Variants in DEAF1 observed in about 807,000 individuals in gnomAD.
DEAF1 encodes DEAF1 transcription factor.
A neutral mutation model predicts 58.9 loss-of-function variants in DEAF1; 53 were observed. The observed-to-expected ratio is 0.90, with a 90% CI of 0.72 to 1.13. The LOEUF is 1.13. Ranked by LOEUF, DEAF1 falls within the 50% of genes most tolerant of loss-of-function variation. The pLI is 0.00. For synonymous variants in DEAF1, 385 were observed against 340.4 expected, an observed-to-expected ratio of 1.13 and a Z score of -1.44; for missense variants, 685 against 791.4, an observed-to-expected ratio of 0.87 and a Z score of 1.61.
At position 658,197 on chromosome 11, in the gene DEAF1, G is replaced by A. The variant is rs566697483; in HGVS notation, c.1504-4146C>T. 2.0e-4 allele frequency among the ~76,000 whole-genome samples: 30 copies of A among 152,318 alleles called. No individual in the cohort carries two copies. The South Asian group carries it at 5.6e-3, about 28-fold the overall frequency. ...TAATCCCAGCACTTTGGGAGGCTGA[G>A]GCAGGCGGATCACGAGGTCAGGAGA... is the stretch of plus-strand genomic sequence containing the variant. On this transcript the variant is annotated intron_variant, in intron 10 of 11. Transcript: ENST00000382409.
chr11:680,137 C>T (rs1296003824), intron 7 of DEAF1: 5 of 374,890 alleles, frequency 1.3e-5, no homozygotes, highest in Non-Finnish European at 2.0e-5. Context: ...CTTCGTGGTT[C>T]GAATTAAGAA....
In DEAF1 at chr11:644,476, C is replaced by A. The variant is rs1354272842; in HGVS notation, c.*74G>T. 9 of 1,175,612 alleles carry A rather than the reference C, an allele frequency of 7.7e-6. No individual in the cohort carries two copies. The highest frequency in any genetic ancestry group is 5.0e-6 in the Non-Finnish European group (4 of 804,250). The allele number at this position is 1,175,612 out of a possible 1,614,324, so 72.8% of individuals were successfully genotyped here. On this transcript the variant is annotated 3_prime_UTR_variant, in exon 12 of 12. Coordinates refer to ENST00000382409, the MANE Select transcript of DEAF1 (RefSeq NM_021008.4). The surrounding 1 kb of genome is among the most constrained non-coding windows in gnomAD (Gnocchi z 4.3). The stretch of plus-strand genomic sequence containing the variant: ...CTTCTCAACGTCCCCCCAGAGTCCT[C>A]AGGGGGGCCTTCGACCTGCAAAAGC...
intron 2 of DEAF1, among the ~76,000 whole-genome samples, chr11:690,760 CAAAT>C (rs1469498302): frequency 6.6e-6 from 1 of 152,124 alleles, no homozygotes; most frequent in Non-Finnish European, 1.5e-5. Flanking sequence ...ACAAAACAAA[CAAAT>C]AACCACTCTG....
At chr11:649,598 C>T (rs1461505482) in intron 11 of DEAF1, among the ~76,000 whole-genome samples, 2 of 151,582 alleles carry the variant, frequency 1.3e-5, no homozygotes, top group Non-Finnish European at 2.9e-5. Context: ...CACACTCCTG[C>T]AGTCCCAGTT....
chr11:697,789 A>C (rs544599998), upstream of DEAF1: 1 of 152,378 alleles, frequency 6.6e-6, no homozygotes, highest in South Asian at 2.1e-4. Flanking sequence ...TCTGCCGTGC[A>C]CTTGGCTTCC....
At chr11:654,163 CCCTTTT>C in intron 10 of DEAF1, 112 bp from the exon 11 acceptor site, 2 of 515,626 alleles carry the variant, frequency 3.9e-6, no homozygotes, top group African/African-American at 1.5e-4. Flanking sequence ...CCATTGGACC[CCCTTTT>C]TTTTTTTTTT....
intron 10 of DEAF1, among the ~76,000 whole-genome samples, chr11:662,930 AC>A (rs897749797): frequency 4.6e-5 from 7 of 151,938 alleles, no homozygotes; most frequent in Admixed American, 6.6e-5. Flanking sequence ...ACCCTGCCGC[AC>A]CCCCAGAGGG....
At chr11:706,103 C>G (rs1251867546) in intron 1 of DEAF1, 2 of 152,228 alleles carry the variant, frequency 1.3e-5, no homozygotes, top group Non-Finnish European at 2.9e-5. Flanking sequence ...CCCCGCGCGC[C>G]CGCCCGCTCT....
intron 10 of DEAF1, among the ~76,000 whole-genome samples, chr11:655,587 A>G (rs910692205): frequency 6.6e-6 from 1 of 151,924 alleles, no homozygotes; most frequent in Non-Finnish European, 1.5e-5. Flanking sequence ...AGCGTCTGTG[A>G]GCAGCACAGA....
chr11:702,882 G>C, intron 1 of DEAF1: 1 of 1,500,526 alleles, frequency 6.7e-7, no homozygotes, highest in Non-Finnish European at 9.1e-7. Flanking sequence ...CCAGGCACCT[G>C]TGGGCGGTGG....
rs560879542 is a variant in DEAF1, at chr11:663,949, C to T, written c.1504-9898G>A. On this transcript the variant is annotated intron_variant, in intron 10 of 11. Transcript: ENST00000382409. ...AAAATAGGGCCGAGTGCCATGGCTC[C>T]CGCCTATAATCCCAGCTCTTTGGGA... Among the ~76,000 whole-genome samples, 12 of 152,274 alleles carry T rather than the reference C, an allele frequency of 7.9e-5. No homozygotes were observed. The South Asian group carries it at 1.9e-3, about 24-fold the overall frequency.
rs1564964227 is a variant in DEAF1, at chr11:703,262, C to T, written c.-438+3310G>A. On this transcript the variant is annotated intron_variant, in intron 1 of 11. Coordinates refer to the DEAF1 transcript ENST00000683307. ...GAAGGGCACTTTTCCTAGTGACTGG[C>T]CATAGATGGTTTTGGATGGTTCCAT... 14 of 1,451,268 alleles carry T rather than the reference C, an allele frequency of 9.6e-6. No individual in the cohort carries two copies. In the Admixed American group the frequency reaches 3.7e-4, roughly 38 times the overall value. 89.9% of individuals were successfully genotyped at this position (1,451,268 alleles called of 1,614,324 possible). A position where few individuals can be genotyped will look rare whatever the true frequency, so the allele number is the denominator to read the frequency against.
intron 11 of DEAF1, among the ~76,000 whole-genome samples, chr11:645,266 C>T (rs765845209): frequency 2.0e-5 from 3 of 150,616 alleles, no homozygotes; most frequent in Non-Finnish European, 3.0e-5. Context: ...TGCAGAAAAA[C>T]ATTTAAATAT....
chr11:692,954 T>C (rs904932106), intron 1 of DEAF1, among the ~76,000 whole-genome samples: 3 of 152,046 alleles, frequency 2.0e-5, no homozygotes, highest in African/African-American at 7.2e-5. Context: ...AGCCCCGGCA[T>C]GCGGCGCGCG....
Position 653,971 on chromosome 11 carries a change from G to A in DEAF1, c.1584C>T (p.Cys528=). The change falls in exon 11 of 12, where the codon TGC becomes TGT. Residue 528 remains cysteine (C), a synonymous_variant. Transcript: ENST00000382409. ...CHKVNYCSTF[C]QRKDWKDHQH... ...TGTAGGTGAGACCTACCTTGCGTTG[G>A]CAGAAGGTGGAGCAGTAGTTGACCT... is the stretch of plus-strand genomic sequence containing the variant. The A allele has an allele frequency of 6.2e-7, 1 of 1,613,838 alleles. No individual in the cohort carries two copies. Among genetic ancestry groups the A allele is most frequent in the Middle Eastern group, 1.7e-4 (1 of 6,060 alleles).
At chr11:682,750 C>G (rs1053504205) in intron 6 of DEAF1, among the ~76,000 whole-genome samples, 1 of 152,210 alleles carries the variant, frequency 6.6e-6, no homozygotes, top group Non-Finnish European at 1.5e-5. Flanking sequence ...GCTCCGTATG[C>G]TTGGCCTCCC....
At chr11:670,705 AC>A (rs1346697772) in intron 10 of DEAF1, among the ~76,000 whole-genome samples, 1 of 150,894 alleles carries the variant, frequency 6.6e-6, no homozygotes, top group Non-Finnish European at 1.5e-5. Flanking sequence ...ACACAGCAAG[AC>A]CATCTCAAAA....
chr11:656,994 A>G (rs893820803), intron 10 of DEAF1, among the ~76,000 whole-genome samples: 3 of 152,026 alleles, frequency 2.0e-5, no homozygotes, highest in Non-Finnish European at 4.4e-5. Context: ...GGCTGCGGAG[A>G]TGTTCATACA....
chr11:658,388 C>T (rs1316958642), intron 10 of DEAF1, among the ~76,000 whole-genome samples: 1 of 152,230 alleles, frequency 6.6e-6, no homozygotes, highest in East Asian at 1.9e-4. Flanking sequence ...GAGAACGCGC[C>T]ACTGCACTCC....
Sources: allele counts gnomAD v4.1 joint callset (sites outside exome capture counted in the v4.1 genomes callset), GRCh38; gene constraint gnomAD v4.1.1; non-coding constraint Gnocchi (gnomAD v3.1); transcripts MANE v1.5; gene names NCBI Gene and HGNC (gene_info 2026-07-23, HGNC 2026-07-21).